Variants in RUNX3 observed in about 807,000 individuals in gnomAD.
RUNX3 encodes runt-related transcription factor 3.
RUNX3 carries 10 observed loss-of-function variants against 27.7 expected under a neutral mutation model. That is an observed-to-expected ratio of 0.36 (90% CI 0.22 to 0.61). RUNX3 has a LOEUF of 0.61. Ranked by LOEUF, RUNX3 falls within the 20% of genes least tolerant of loss-of-function variation. The probability of loss-of-function intolerance (pLI) is 0.72; values close to 1 mark genes in which losing one functional copy is unlikely to be tolerated. For missense variants in RUNX3, 469 were observed against 629.5 expected, an observed-to-expected ratio of 0.75 and a Z score of 2.73; for synonymous variants, 270 against 269.2, an observed-to-expected ratio of 1.00 and a Z score of -0.03.
chr1:24,956,095 C>G (rs955656646), intron 2 of RUNX3, among the ~76,000 whole-genome samples: 2 of 152,200 alleles, frequency 1.3e-5, no homozygotes, highest in Non-Finnish European at 2.9e-5. Context: ...CTCCACAGCC[C>G]GACAGGGCAG....
chr1:24,922,438 C>A (rs1472952583), intron 2 of RUNX3, among the ~76,000 whole-genome samples: 1 of 152,124 alleles, frequency 6.6e-6, no homozygotes, highest in Non-Finnish European at 1.5e-5. Flanking sequence ...CAAGTACGAG[C>A]GTAGGCAACA....
At chr1:24,960,247 A>G (rs1040191460) in intron 2 of RUNX3, among the ~76,000 whole-genome samples, 1 of 152,204 alleles carries the variant, frequency 6.6e-6, no homozygotes, top group African/African-American at 2.4e-5. Context: ...GTGTTCATCA[A>G]ATGGAAAATG....
intron 3 of RUNX3, among the ~76,000 whole-genome samples, chr1:24,914,415 C>T (rs1218370482): frequency 2.0e-5 from 3 of 152,246 alleles, no homozygotes; most frequent in African/African-American, 4.8e-5. Flanking sequence ...GAGATTTACA[C>T]CCGACTCTTA....
rs568003984 is a variant in RUNX3 at position 24,905,059 on chromosome 1, G to A, written c.703+2200C>T. ...CGGCTGGGGGCTGGGGCTGGGGTAT[G>A]GGAGGTGCTGGGGTCTCTGCACTGC... On this transcript the variant is annotated intron_variant, in intron 4 of 4. Transcript: ENST00000308873. Among the ~76,000 whole-genome samples the A allele has an allele frequency of 2.0e-4, 30 of 152,302 alleles. No homozygotes were observed. In the South Asian group the frequency reaches 2.5e-3, roughly 13 times the overall value.
At chr1:24,917,182 T>G (rs1324224590) in intron 3 of RUNX3, among the ~76,000 whole-genome samples, 1 of 152,050 alleles carries the variant, frequency 6.6e-6, no homozygotes, top group Non-Finnish European at 1.5e-5. Flanking sequence ...CTTTCTGGAG[T>G]GGCTCCCCTC....
chr1:24,958,163 C>T (rs1196611771), intron 2 of RUNX3, among the ~76,000 whole-genome samples: 1 of 152,176 alleles, frequency 6.6e-6, no homozygotes, highest in Non-Finnish European at 1.5e-5. Flanking sequence ...GTGCCACATG[C>T]GGGGCTCAGG....
At chr1:24,921,607 C>T (rs774199548) in intron 2 of RUNX3, among the ~76,000 whole-genome samples, 9 of 152,348 alleles carry the variant, frequency 5.9e-5, no homozygotes, top group Non-Finnish European at 1.2e-4. Flanking sequence ...GCAGATGCCT[C>T]GGGCTCCCTG....
At chr1:24,931,212 C>T (rs546568200), upstream of RUNX3, among the ~76,000 whole-genome samples, 300 of 152,378 alleles carry the variant, frequency 2.0e-3, no homozygotes, top group African/African-American at 7.1e-3. Context: ...TTTCTTTCTC[C>T]ATGCGGGTGG....
chr1:24,946,216 A>G (rs1434686961), intron 2 of RUNX3, among the ~76,000 whole-genome samples: 3 of 152,228 alleles, frequency 2.0e-5, no homozygotes, highest in Non-Finnish European at 4.4e-5. Context: ...GATTATAAAA[A>G]TAATACACAT....
rs138523658 is a variant in RUNX3, at chr1:24,962,393, C to T, written c.58+2121G>A. Among the ~76,000 whole-genome samples the T allele has an allele frequency of 2.7e-3, 416 of 152,322 alleles. 3 individuals carry two copies. Among genetic ancestry groups the T allele is most frequent in the Admixed American group, 0.013 (203 of 15,298 alleles). On this transcript the variant is annotated intron_variant, in intron 2 of 6. Transcript: ENST00000338888. This position sits in a 1 kb window ranked among gnomAD's most constrained non-coding sequence, Gnocchi z 4.5. ...AAGGTTCCCTGAGACTGCCAAGGGT[C>T]GGTGGGTTAGGGACCCTGTAGGGGG...
At chr1:24,939,490 C>T (rs982513642) in intron 2 of RUNX3, among the ~76,000 whole-genome samples, 1 of 152,264 alleles carries the variant, frequency 6.6e-6, no homozygotes, top group African/African-American at 2.4e-5. Context: ...TGTGGACACA[C>T]ACATGGGCAG....
chr1:24,946,651 C>A (rs1428812430), intron 2 of RUNX3, among the ~76,000 whole-genome samples: 1 of 152,130 alleles, frequency 6.6e-6, no homozygotes, highest in Non-Finnish European at 1.5e-5. Flanking sequence ...TCAGGGAACA[C>A]CCTGCGTGGA....
At chr1:24,930,971 C>T (rs1486504880), upstream of RUNX3, among the ~76,000 whole-genome samples, 1 of 152,236 alleles carries the variant, frequency 6.6e-6, no homozygotes, top group African/African-American at 2.4e-5. This position sits in a 1 kb window ranked among gnomAD's most constrained non-coding sequence, Gnocchi z 4.1. Flanking sequence ...TTCCTCTCTG[C>T]TCTCCCCTCA....
At position 24,927,797 on chromosome 1, in the gene RUNX3, A is replaced by G; in HGVS notation, c.283-67T>C. ...AAGGAAGAGGGTGACCAGGGAAAGG[A>G]GGGGAGGGGCTGGGCTGGGCAGCTC... is the stretch of plus-strand genomic sequence containing the variant. On this transcript the variant is annotated intron_variant, in intron 1 of 4. Coordinates refer to ENST00000308873, the MANE Select transcript of RUNX3 (RefSeq NM_004350.3). This position sits in a 1 kb window ranked among gnomAD's most constrained non-coding sequence, Gnocchi z 5.0. 1 of 1,136,646 alleles carries G rather than the reference A, an allele frequency of 8.8e-7. No homozygotes were observed. Among genetic ancestry groups the G allele is most frequent in the Non-Finnish European group, 1.3e-6 (1 of 773,830 alleles). The allele number at this position is 1,136,646 out of a possible 1,614,324, so 70.4% of individuals were successfully genotyped here. A position where few individuals can be genotyped will look rare whatever the true frequency, so the allele number is the denominator to read the frequency against.
chr1:24,919,334 G>T lies in RUNX3; in HGVS notation c.450C>A (p.Phe150Leu). The change falls in exon 3 of 5, where the codon TTC (phenylalanine) becomes TTA (leucine). Residue 150 changes from phenylalanine (F) to leucine (L), a missense_variant. Coordinates refer to ENST00000308873, the MANE Select transcript of RUNX3 (RefSeq NM_004350.3). Reference sequence around the variant, plus strand: ...TGGTGAACACAGTGATGGTCAGGGTGAAACTCTTCCCTGGGGAGAGTGGGG... The same window carrying T: ...TGGTGAACACAGTGATGGTCAGGGTTAAACTCTTCCCTGGGGAGAGTGGGG... ...FVGRSGRGKS[F>L]TLTITVFTNP... is the part of the protein sequence containing the mutation. 1 of 1,610,370 alleles carries T rather than the reference G, an allele frequency of 6.2e-7. No homozygotes were observed. Among genetic ancestry groups the T allele is most frequent in the South Asian group, 1.1e-5 (1 of 90,956 alleles).
intron 2 of RUNX3, among the ~76,000 whole-genome samples, chr1:24,941,006 CT>C (rs766562952): frequency 6.6e-6 from 1 of 152,202 alleles, no homozygotes; most frequent in African/African-American, 2.4e-5. Flanking sequence ...AAAAGTTCCC[CT>C]GCCCCAAACC....
At chr1:24,954,725 C>T (rs553411864) in intron 2 of RUNX3, among the ~76,000 whole-genome samples, 7 of 152,228 alleles carry the variant, frequency 4.6e-5, no homozygotes, top group South Asian at 2.1e-4. Context: ...GAGCCCTCTA[C>T]GTGCCTCAGA....
chr1:24,937,580 C>T (rs1402683239), intron 2 of RUNX3, among the ~76,000 whole-genome samples: 2 of 152,240 alleles, frequency 1.3e-5, no homozygotes, highest in South Asian at 2.1e-4. Flanking sequence ...GAAGCCTAGA[C>T]TTGAACTCAG....
rs1323281443 is a variant in RUNX3 at position 24,943,580 on chromosome 1, C to A, written c.59-13728G>T. Reference sequence around the variant, plus strand: ...GGTTTTTGTCTTAGGAAATAAGAGCCCTGGAACAGTTGGCCAGTGCGGAGA... The same window carrying A: ...GGTTTTTGTCTTAGGAAATAAGAGCACTGGAACAGTTGGCCAGTGCGGAGA... On this transcript the variant is annotated intron_variant, in intron 2 of 6. Transcript: ENST00000338888. The surrounding 1 kb of genome is among the most constrained non-coding windows in gnomAD (Gnocchi z 4.6). Among the ~76,000 whole-genome samples, 1 of 152,182 alleles carries A rather than the reference C, an allele frequency of 6.6e-6. No homozygotes were observed. The highest frequency in any genetic ancestry group is 1.5e-5 in the Non-Finnish European group (1 of 68,034).
Sources: allele counts gnomAD v4.1 joint callset (sites outside exome capture counted in the v4.1 genomes callset), GRCh38; gene constraint gnomAD v4.1.1; non-coding constraint Gnocchi (gnomAD v3.1); transcripts MANE v1.5; gene names NCBI Gene and HGNC (gene_info 2026-07-23, HGNC 2026-07-21).